MCPH1: variants seen among roughly 807,000 people sequenced by gnomAD.
MCPH1 encodes the protein microcephalin.
MCPH1 carries 104 observed loss-of-function variants against 84.5 expected under a neutral mutation model. The observed-to-expected ratio is 1.23, with a 90% CI of 1.05 to 1.45. The LOEUF is 1.45. Ranked by LOEUF, MCPH1 falls within the 40% of genes most tolerant of loss-of-function variation. The pLI is 0.00. For synonymous variants in MCPH1, 514 were observed against 366.8 expected, an observed-to-expected ratio of 1.40 and a Z score of -4.58; for missense variants, 1,498 against 1,005.7, an observed-to-expected ratio of 1.49 and a Z score of -6.62.
At chr8:6,514,430 C>G (rs1815824488) in intron 12 of MCPH1, among the ~76,000 whole-genome samples, 1 of 152,162 alleles carries the variant, frequency 6.6e-6, no homozygotes. Context: ...CTCAGGTAAT[C>G]CATCTGCCTC....
intron 12 of MCPH1, among the ~76,000 whole-genome samples, chr8:6,526,834 C>T (rs1818434330): frequency 6.6e-6 from 1 of 152,144 alleles, no homozygotes; most frequent in Admixed American, 6.5e-5. Context: ...CCTCTTTTGT[C>T]CCAAGTGGAA....
At chr8:6,614,379 C>A (rs930584980) in intron 12 of MCPH1, among the ~76,000 whole-genome samples, 47 of 152,206 alleles carry the variant, frequency 3.1e-4, no homozygotes, top group Non-Finnish European at 6.2e-4. Flanking sequence ...AGGCTGGCGC[C>A]TCCTCCCCTC....
intron 12 of MCPH1, among the ~76,000 whole-genome samples, chr8:6,562,299 G>A (rs1470796663): frequency 6.6e-6 from 1 of 152,112 alleles, no homozygotes; most frequent in East Asian, 1.9e-4. Context: ...CCCTGGTGAT[G>A]GGTGTTACTG....
At chr8:6,464,468 A>T (rs1016308576) in intron 9 of MCPH1, among the ~76,000 whole-genome samples, 1 of 152,224 alleles carries the variant, frequency 6.6e-6, no homozygotes, top group Non-Finnish European at 1.5e-5. Context: ...TCTTTTTAAA[A>T]ATGTGTTTTA....
At chr8:6,437,078 A>G (rs767144450) in intron 5 of MCPH1, among the ~76,000 whole-genome samples, 1 of 152,232 alleles carries the variant, frequency 6.6e-6, no homozygotes, top group Non-Finnish European at 1.5e-5. Flanking sequence ...TAATTCTGAC[A>G]CAGCATTGCT....
chr8:6,645,891 C>A lies in MCPH1; in HGVS notation c.*2842C>A, dbSNP rs2129584380. ...AGTTAAAGACTTCTTTAAATAGAGA[C>A]ATATACAAAGTTCATAGATTAGAAG... is the stretch of plus-strand genomic sequence containing the variant. On this transcript the variant is annotated 3_prime_UTR_variant, in exon 14 of 14. Transcript: ENST00000344683. 1 of 152,174 alleles carries A rather than the reference C, an allele frequency of 6.6e-6. No homozygotes were observed. Among genetic ancestry groups the A allele is most frequent in the East Asian group, 1.9e-4 (1 of 5,186 alleles). The allele number at this position is 152,174 out of a possible 1,614,324, so 9.4% of individuals were successfully genotyped here. A position where few individuals can be genotyped will look rare whatever the true frequency, so the allele number is the denominator to read the frequency against.
intron 7 of MCPH1, among the ~76,000 whole-genome samples, chr8:6,442,778 G>A (rs1176538467): frequency 6.6e-6 from 1 of 152,192 alleles, no homozygotes; most frequent in Non-Finnish European, 1.5e-5. Context: ...AGTGATCCCT[G>A]AAAGTACTAT....
At chr8:6,527,823 C>A in intron 12 of MCPH1, 17 of 775,150 alleles carry the variant, frequency 2.2e-5, no homozygotes, top group Non-Finnish European at 2.9e-5. Context: ...GCATATTTTT[C>A]ATTTTCAGAA....
intron 12 of MCPH1, among the ~76,000 whole-genome samples, chr8:6,506,501 G>C (rs753501166): frequency 6.6e-6 from 1 of 152,136 alleles, no homozygotes; most frequent in South Asian, 2.1e-4. Flanking sequence ...GCACATACGG[G>C]TGGTCTAATA....
intron 9 of MCPH1, among the ~76,000 whole-genome samples, chr8:6,476,043 G>C (rs1250866869): frequency 2.0e-5 from 3 of 152,158 alleles, no homozygotes; most frequent in African/African-American, 7.2e-5. Flanking sequence ...TAGATGCCAA[G>C]GCTATATGAA....
intron 12 of MCPH1, among the ~76,000 whole-genome samples, chr8:6,586,184 C>T (rs1479266956): frequency 6.6e-6 from 1 of 152,120 alleles, no homozygotes; most frequent in South Asian, 2.1e-4. Flanking sequence ...TGGTCTTGAA[C>T]CACTGGGCTC....
chr8:6,561,132 A>C (rs553783031), intron 12 of MCPH1, among the ~76,000 whole-genome samples: 2 of 152,232 alleles, frequency 1.3e-5, no homozygotes, highest in African/African-American at 4.8e-5. Flanking sequence ...GTTGCTGCAT[A>C]CTTTTTAAGC....
chr8:6,458,379 G>A (rs2515579), intron 9 of MCPH1, among the ~76,000 whole-genome samples: 100,431 of 151,116 alleles, frequency 0.66, 37,300 homozygotes, highest in Non-Finnish European at 0.81. Flanking sequence ...GGCTGAGGCA[G>A]GAGAATGGCA....
intron 12 of MCPH1, among the ~76,000 whole-genome samples, chr8:6,602,189 AG>A (rs1829424264): frequency 6.6e-6 from 1 of 152,220 alleles, no homozygotes; most frequent in Admixed American, 6.5e-5. Context: ...AGACTTAGGA[AG>A]GGTGCTCGCT....
At chr8:6,519,990 A>C in intron 12 of MCPH1, 1 of 1,613,382 alleles carries the variant, frequency 6.2e-7, no homozygotes, top group Non-Finnish European at 8.5e-7. Context: ...TGGGGTCCTT[A>C]GCTGCTTTTA....
At chr8:6,473,611 G>A (rs1046414204) in intron 9 of MCPH1, among the ~76,000 whole-genome samples, 1 of 152,118 alleles carries the variant, frequency 6.6e-6, no homozygotes, top group Admixed American at 6.6e-5. Context: ...GATTACAGGC[G>A]TGAGCCACCG....
intron 11 of MCPH1, among the ~76,000 whole-genome samples, chr8:6,481,173 A>G (rs1809186108): frequency 1.3e-5 from 2 of 152,232 alleles, no homozygotes; most frequent in Non-Finnish European, 1.5e-5. Flanking sequence ...CGCAAGATGC[A>G]TGTTCTCACA....
chr8:6,445,616 T>A (rs762400934), intron 8 of MCPH1, 69 bp downstream of exon 8: 115 of 1,512,028 alleles, frequency 7.6e-5, no homozygotes, highest in Middle Eastern at 1.8e-4. Flanking sequence ...ATATTTTAAA[T>A]TTATCACAAC....
chr8:6,515,885 A>T (rs1816171244), intron 12 of MCPH1, among the ~76,000 whole-genome samples: 1 of 152,226 alleles, frequency 6.6e-6, no homozygotes, highest in Admixed American at 6.5e-5. Flanking sequence ...CGAAAAGAGA[A>T]CCAAGAGAGT....
Sources: allele counts gnomAD v4.1 joint callset (sites outside exome capture counted in the v4.1 genomes callset), GRCh38; gene constraint gnomAD v4.1.1; transcripts MANE v1.5; gene names NCBI Gene and HGNC (gene_info 2026-07-23, HGNC 2026-07-21).